The following AAK1 variants were observed in gnomAD, a reference collection of about 807,000 sequenced individuals.
The protein encoded by AAK1 is AP2-associated protein kinase 1.
AAK1 carries 37 observed loss-of-function variants against 116.0 expected under a neutral mutation model. The ratio of observed to expected loss-of-function variants is 0.32; its 90% CI spans 0.25 to 0.42. The LOEUF is 0.42. Among genes scored for constraint, AAK1 ranks in the 10% least tolerant of loss-of-function variants. The pLI is 1.00. For synonymous variants in AAK1, 458 were observed against 439.9 expected, an observed-to-expected ratio of 1.04 and a Z score of -0.51; for missense variants, 919 against 1,170.6, an observed-to-expected ratio of 0.79 and a Z score of 3.14.
At position 69,467,590 on chromosome 2, in the gene AAK1, C is replaced by T. The variant is rs1674531419; in HGVS notation, c.*8279G>A. 1 of 985,358 alleles carries T rather than the reference C, an allele frequency of 1.0e-6. No homozygotes were observed. Among genetic ancestry groups the T allele is most frequent in the Non-Finnish European group, 1.2e-6 (1 of 829,914 alleles). 61.0% of individuals were successfully genotyped at this position (985,358 alleles called of 1,614,324 possible). A position where few individuals can be genotyped will look rare whatever the true frequency, so the allele number is the denominator to read the frequency against. On this transcript the variant is annotated 3_prime_UTR_variant, in exon 22 of 22. Transcript: ENST00000409085. ...GATACTACTGGAGTTTCCCAACCCA[C>T]CAGGATAAGAATATTAGATACAATG...
intron 3 of AAK1, among the ~76,000 whole-genome samples, chr2:69,553,126 T>C (rs1039929983): frequency 6.6e-6 from 1 of 152,078 alleles, no homozygotes; most frequent in Non-Finnish European, 1.5e-5. Context: ...TGCAAGGATA[T>C]GAGTTTCTAG....
intron 2 of AAK1, among the ~76,000 whole-genome samples, chr2:69,605,060 G>A (rs58131870): frequency 0.12 from 17,568 of 151,916 alleles, 2,305 homozygotes; most frequent in African/African-American, 0.3. Context: ...TGTCTCACCC[G>A]GGCTTTTACA....
intron 2 of AAK1, among the ~76,000 whole-genome samples, chr2:69,606,980 G>A (rs1332235186): frequency 2.1e-4 from 32 of 150,372 alleles, no homozygotes; most frequent in Admixed American, 2.1e-3. Flanking sequence ...GTGGGAGGAT[G>A]GCTTGAGCCC....
At position 69,505,620 on chromosome 2, in the gene AAK1, G is replaced by A; in HGVS notation, c.2218C>T (p.Gln740Ter). Reference protein sequence around the residue: ...GSAESLIPGFQSTQGDAFATT... With the variant: ...GSAESLIPGF The stretch of plus-strand genomic sequence containing the variant: ...GCAAAAGCATCACCTTGGGTTGATT[G>A]AAAGCCTGGGATCAAACTCTCAGCT... The change falls in exon 16 of 22, where the codon CAA (glutamine) becomes TAA (stop). Residue 740 changes from glutamine (Q) to a stop codon, truncating the protein, a stop_gained. Coordinates refer to ENST00000409085, the MANE Select transcript of AAK1 (RefSeq NM_014911.5). LOFTEE classifies it high-confidence loss of function. 1 of 1,613,782 alleles carries A rather than the reference G, an allele frequency of 6.2e-7. No individual in the cohort carries two copies. Among genetic ancestry groups the A allele is most frequent in the South Asian group, 1.1e-5 (1 of 91,060 alleles).
At chr2:69,627,427 A>G (rs1674957617) in intron 2 of AAK1, among the ~76,000 whole-genome samples, 1 of 152,158 alleles carries the variant, frequency 6.6e-6, no homozygotes, top group South Asian at 2.1e-4. Flanking sequence ...GGTTCCTTAC[A>G]CTGGGCGGTA....
intron 2 of AAK1, among the ~76,000 whole-genome samples, chr2:69,574,249 T>C (rs1362100112): frequency 6.6e-6 from 1 of 151,764 alleles, no homozygotes; most frequent in African/African-American, 2.4e-5. Flanking sequence ...TGCACACCTG[T>C]AATCCCAGCT....
chr2:69,622,534 T>C (rs1028389049), intron 2 of AAK1, among the ~76,000 whole-genome samples: 1 of 152,372 alleles, frequency 6.6e-6, no homozygotes, highest in East Asian at 1.9e-4. Context: ...AGAACCTTTA[T>C]GTCTAGCTGA....
At chr2:69,608,382 T>C (rs1375623062) in intron 2 of AAK1, among the ~76,000 whole-genome samples, 1 of 152,220 alleles carries the variant, frequency 6.6e-6, no homozygotes, top group Non-Finnish European at 1.5e-5. Flanking sequence ...CCTTGCTCCT[T>C]CATTTGAATA....
intron 2 of AAK1, among the ~76,000 whole-genome samples, chr2:69,615,900 A>G (rs1177755408): frequency 1.2e-4 from 18 of 152,220 alleles, no homozygotes; most frequent in African/African-American, 4.1e-4. Flanking sequence ...TGACAAGTCT[A>G]TATCAAAGGT....
chr2:69,588,085 A>G (rs1054072587), intron 2 of AAK1, among the ~76,000 whole-genome samples: 13 of 152,116 alleles, frequency 8.5e-5, no homozygotes, highest in African/African-American at 2.4e-4. Flanking sequence ...ATTTCTAAGG[A>G]GCAAGACTTT....
In AAK1 at chr2:69,557,013, A is replaced by C. The variant is rs570816305; in HGVS notation, c.164-35T>G. The C allele has an allele frequency of 2.0e-6, 3 of 1,533,700 alleles. No individual in the cohort carries two copies. In the African/African-American group the frequency reaches 4.1e-5, roughly 21 times the overall value. On this transcript the variant is annotated intron_variant, in intron 2 of 21. Coordinates refer to ENST00000409085, the MANE Select transcript of AAK1 (RefSeq NM_014911.5). ...AAACACACACAAGCTCTTTTGAGTC[A>C]ATGTTCAAAAAGTCAGCCACATAAC... is the stretch of plus-strand genomic sequence containing the variant.
chr2:69,524,868 T>G (rs1440042440), intron 10 of AAK1, among the ~76,000 whole-genome samples, 165 bp downstream of exon 10: 4 of 152,080 alleles, frequency 2.6e-5, no homozygotes, highest in African/African-American at 9.7e-5. Flanking sequence ...TATTCCTTTT[T>G]GCATTCCCAA....
Position 69,486,911 on chromosome 2 carries a change from G to A in AAK1, c.2366-4099C>T, listed in dbSNP as rs1028408186. On this transcript the variant is annotated intron_variant, in intron 17 of 21. Coordinates refer to ENST00000409085, the MANE Select transcript of AAK1 (RefSeq NM_014911.5). ...ACATAGACATGGTCCCAGGGACAAC[G>A]GTAATGTTATCAGACAGGTTAGCAT... Among the ~76,000 whole-genome samples, 10 of 152,152 alleles carry A rather than the reference G, an allele frequency of 6.6e-5. No homozygotes were observed. The East Asian group carries it at 1.4e-3, about 21-fold the overall frequency.
intron 17 of AAK1, among the ~76,000 whole-genome samples, chr2:69,495,418 C>G (rs1200402900): frequency 1.3e-5 from 2 of 152,298 alleles, no homozygotes; most frequent in Non-Finnish European, 2.9e-5. Context: ...TGATGAAGAA[C>G]CAAGCCCAGA....
At position 69,514,798 on chromosome 2, in the gene AAK1, T is replaced by A. The variant is rs748501981; in HGVS notation, c.1498-49A>T. On this transcript the variant is annotated intron_variant, in intron 12 of 21. Coordinates refer to ENST00000409085, the MANE Select transcript of AAK1 (RefSeq NM_014911.5). ...ATAAGGGCCTGTCCCAGAATAATAG[T>A]CACAAAAGACAAATGTCTCAAAAAC... is the stretch of plus-strand genomic sequence containing the variant. 12 of 1,493,174 alleles carry A rather than the reference T, an allele frequency of 8.0e-6. 1 individual carries two copies. The South Asian group carries it at 1.7e-4, about 21-fold the overall frequency. The allele number at this position is 1,493,174 out of a possible 1,614,324, so 92.5% of individuals were successfully genotyped here. A position where few individuals can be genotyped will look rare whatever the true frequency, so the allele number is the denominator to read the frequency against.
chr2:69,493,588 G>A lies in AAK1; in HGVS notation c.2365+2397C>T, dbSNP rs1380331572. Among the ~76,000 whole-genome samples, 4 of 152,190 alleles carry A rather than the reference G, an allele frequency of 2.6e-5. No homozygotes were observed. In the East Asian group the frequency reaches 7.7e-4, roughly 29 times the overall value. On this transcript the variant is annotated intron_variant, in intron 17 of 21. Coordinates refer to ENST00000409085, the MANE Select transcript of AAK1 (RefSeq NM_014911.5). ...TGTCGGATCTGTAAATACTCACTAA[G>A]TGAATACAGACAGTGTCGTTGGCAC...
chr2:69,500,861 C>A (rs1675956363), intron 16 of AAK1, among the ~76,000 whole-genome samples: 1 of 151,526 alleles, frequency 6.6e-6, no homozygotes, highest in Non-Finnish European at 1.5e-5. Context: ...GAAAACTAGG[C>A]ATTAAAACTG....
intron 2 of AAK1, among the ~76,000 whole-genome samples, chr2:69,570,436 G>A (rs1210225031): frequency 6.6e-6 from 1 of 151,952 alleles, no homozygotes; most frequent in Non-Finnish European, 1.5e-5. Context: ...ATAATGTATT[G>A]TGATTATCTT....
intron 2 of AAK1, among the ~76,000 whole-genome samples, chr2:69,563,156 A>C (rs916347030): frequency 2.6e-5 from 4 of 152,212 alleles, no homozygotes; most frequent in Admixed American, 6.5e-5. Flanking sequence ...TTGGAAGAAG[A>C]AGCAAGTAGT....
Sources: gnomAD v4.1 joint callset for allele counts (sites outside exome capture counted in the v4.1 genomes callset) on GRCh38, gnomAD v4.1.1 for gene constraint, MANE v1.5 for transcripts, NCBI Gene and HGNC (gene_info 2026-07-23, HGNC 2026-07-21) for gene names.